Variants in KCNAB1 observed in about 807,000 individuals in gnomAD.
KCNAB1 encodes the protein potassium voltage-gated channel subfamily A regulatory beta subunit 1.
A neutral mutation model predicts 64.6 loss-of-function variants in KCNAB1; 35 were observed. The ratio of observed to expected loss-of-function variants is 0.54; its 90% confidence interval spans 0.41 to 0.72. The LOEUF is 0.72. Among genes scored for constraint, KCNAB1 ranks in the 30% least tolerant of loss-of-function variants. KCNAB1 has a pLI of 0.00. For synonymous variants in KCNAB1, 177 were observed against 183.8 expected (o/e 0.96, Z 0.30); for missense variants, 401 against 512.9 (o/e 0.78, Z 2.11).
rs530763478 is a variant in KCNAB1, at chr3:156,183,169, C to T, written c.275+62283C>T. The stretch of plus-strand genomic sequence containing the variant: ...TGGAAAGAAATGAGGCCTTGAGGAG[C>T]GCCCACGACAAGGGGTGGAGTTGGG... On this transcript the variant is annotated intron_variant, in intron 1 of 13. Transcript: ENST00000490337. Among the ~76,000 whole-genome samples, 30 of 151,960 alleles carry T rather than the reference C, an allele frequency of 2.0e-4. No homozygotes were observed. In the South Asian group the frequency reaches 5.6e-3, roughly 28 times the overall value.
At chr3:156,442,264 C>G (rs1717059254) in intron 2 of KCNAB1, among the ~76,000 whole-genome samples, 1 of 152,146 alleles carries the variant, frequency 6.6e-6, no homozygotes, top group Non-Finnish European at 1.5e-5. Context: ...AAATTTCATT[C>G]CTGTTTTGCC....
At chr3:156,462,147 ACCCAC>A (rs1712960391) in intron 5 of KCNAB1, among the ~76,000 whole-genome samples, 1 of 152,208 alleles carries the variant, frequency 6.6e-6, no homozygotes, top group Non-Finnish European at 1.5e-5. Context: ...ATCATTCTCT[ACCCAC>A]TCAGAAGAGT....
chr3:156,175,774 A>C lies in KCNAB1; in HGVS notation c.275+54888A>C, dbSNP rs547011391. ...TTGCCAGTAATCGTCATCTGAAGGG[A>C]GGGTGCTAGCCTGGGCAATAAATAT... On this transcript the variant is annotated intron_variant, in intron 1 of 13. Transcript: ENST00000490337. 8.8e-4 allele frequency: 508 copies of C among 575,978 alleles called. 1 individual carries two copies. The highest frequency in any genetic ancestry group is 1.4e-3 in the Non-Finnish European group (434 of 306,908). 35.7% of individuals were successfully genotyped at this position (575,978 alleles called of 1,614,324 possible).
chr3:156,443,715 G>A (rs1026157384), intron 2 of KCNAB1, among the ~76,000 whole-genome samples: 1 of 150,436 alleles, frequency 6.6e-6, no homozygotes, highest in African/African-American at 2.5e-5. Context: ...ATAGTGGAGA[G>A]GGTTCTAAGT....
At chr3:156,241,744 T>A (rs888756335) in intron 1 of KCNAB1, among the ~76,000 whole-genome samples, 10 of 152,114 alleles carry the variant, frequency 6.6e-5, no homozygotes, top group South Asian at 4.1e-4. Flanking sequence ...AAATTTATTT[T>A]TTATTATTAT....
intron 8 of KCNAB1, among the ~76,000 whole-genome samples, chr3:156,482,150 GA>G (rs1243468127): frequency 1.3e-5 from 2 of 151,710 alleles, no homozygotes; most frequent in African/African-American, 4.8e-5. Flanking sequence ...ATTTTGCTCT[GA>G]AACTCTTTAT....
At chr3:156,169,564 AC>A (rs1711827082) in intron 1 of KCNAB1, among the ~76,000 whole-genome samples, 1 of 152,086 alleles carries the variant, frequency 6.6e-6, no homozygotes, top group African/African-American at 2.4e-5. Flanking sequence ...CTTTGTCCCC[AC>A]CCATATCTCA....
At chr3:156,158,518 A>G (rs140062344) in intron 1 of KCNAB1, among the ~76,000 whole-genome samples, 1,753 of 152,304 alleles carry the variant, frequency 0.012, 31 homozygotes, top group African/African-American at 0.04. Flanking sequence ...ACTATTTTTT[A>G]TCAGATATAA....
upstream of KCNAB1, among the ~76,000 whole-genome samples, chr3:156,119,838 A>G (rs1713238559): frequency 6.6e-6 from 1 of 152,146 alleles, no homozygotes; most frequent in South Asian, 2.1e-4. Context: ...GGGCACACAC[A>G]TACACATCCA....
chr3:156,313,440 G>A (rs180957807), intron 1 of KCNAB1, among the ~76,000 whole-genome samples: 35 of 152,318 alleles, frequency 2.3e-4, no homozygotes, highest in Non-Finnish European at 2.2e-4. Flanking sequence ...GTTCTTAAGT[G>A]TAATCACAGG....
At chr3:156,264,500 T>C (rs1267389826) in intron 1 of KCNAB1, among the ~76,000 whole-genome samples, 2 of 152,130 alleles carry the variant, frequency 1.3e-5, no homozygotes, top group Non-Finnish European at 2.9e-5. Context: ...ATATTTTAAT[T>C]AGCTTGTTCA....
chr3:156,182,713 T>A (rs930457310), intron 1 of KCNAB1, among the ~76,000 whole-genome samples: 13 of 150,770 alleles, frequency 8.6e-5, no homozygotes, highest in Admixed American at 2.0e-4. Flanking sequence ...TTTTTTTTTT[T>A]ATTTTGCGGA....
chr3:156,270,778 CT>C (rs1463235522), intron 1 of KCNAB1, among the ~76,000 whole-genome samples: 2 of 152,020 alleles, frequency 1.3e-5, no homozygotes, highest in African/African-American at 4.8e-5. Context: ...TACCAGTGAG[CT>C]TTGTATCTTC....
At chr3:156,226,261 C>T (rs1716156624) in intron 1 of KCNAB1, among the ~76,000 whole-genome samples, 1 of 152,036 alleles carries the variant, frequency 6.6e-6, no homozygotes, top group Middle Eastern at 3.2e-3. Context: ...GAAATTAAGC[C>T]AGATACAGTC....
Position 156,280,288 on chromosome 3 carries a change from C to T in KCNAB1, c.276-141328C>T, listed in dbSNP as rs1329989037. On this transcript the variant is annotated intron_variant, in intron 1 of 13. Transcript: ENST00000490337. ...AGATCAGATAGTTGTAGATATGCGGCGTTATTTCTGAGGGCTCTGTTCTGT... is the reference window on the plus strand; with the variant it reads ...AGATCAGATAGTTGTAGATATGCGGTGTTATTTCTGAGGGCTCTGTTCTGT... Among the ~76,000 whole-genome samples the T allele has an allele frequency of 6.8e-5, 10 of 147,718 alleles. No homozygotes were observed. The East Asian group carries it at 1.2e-3, about 18-fold the overall frequency.
intron 1 of KCNAB1, among the ~76,000 whole-genome samples, chr3:156,338,996 G>T (rs1297466687): frequency 1.3e-5 from 2 of 152,176 alleles, no homozygotes; most frequent in Non-Finnish European, 2.9e-5. Context: ...AAAGTACAGA[G>T]ATATTCCCAG....
chr3:156,171,202 C>CACACACACACACAT (rs1438474639), intron 1 of KCNAB1, among the ~76,000 whole-genome samples: 8 of 151,566 alleles, frequency 5.3e-5, no homozygotes, highest in African/African-American at 1.9e-4. Flanking sequence ...CATACACACA[C>CACACACACACACAT]ACACACACAC....
chr3:156,243,451 C>T (rs766164063), intron 1 of KCNAB1, among the ~76,000 whole-genome samples: 34 of 151,960 alleles, frequency 2.2e-4, no homozygotes, highest in Non-Finnish European at 3.5e-4. Flanking sequence ...TTATCTTGAA[C>T]TCCTGACCTC....
At chr3:156,463,795 T>G in intron 6 of KCNAB1, 49 bp downstream of exon 6, 1 of 1,440,396 alleles carries the variant, frequency 6.9e-7, no homozygotes, top group Non-Finnish European at 9.6e-7. Context: ...GTTCATGCTT[T>G]TTTGCTGTTA....
Sources: allele counts gnomAD v4.1 joint callset (sites outside exome capture counted in the v4.1 genomes callset), GRCh38; gene constraint gnomAD v4.1.1; transcripts MANE v1.5; gene names NCBI Gene and HGNC (gene_info 2026-07-23, HGNC 2026-07-21).